The following ZNF568 variants were observed in gnomAD, a reference collection of about 807,000 sequenced individuals.
ZNF568 encodes the protein zinc finger protein 568.
Under a neutral mutation model 18.1 loss-of-function variants are expected in ZNF568, and 11 were observed. The observed-to-expected ratio is 0.61, with a 90% CI of 0.38 to 1.00. The LOEUF (loss-of-function observed/expected upper bound fraction) is 1.00, where lower values mean the gene tolerates loss of function less well. Ranked by LOEUF, ZNF568 falls within the 50% of genes least tolerant of loss-of-function variation. ZNF568 has a pLI of 0.01. For synonymous variants in ZNF568, 213 were observed against 246.6 expected (o/e 0.86, Z 1.28); for missense variants, 639 against 768.2 (o/e 0.83, Z 1.99).
At chr19:36,966,791 C>G (rs2074198135) in intron 6 of ZNF568, among the ~76,000 whole-genome samples, 1 of 152,214 alleles carries the variant, frequency 6.6e-6, no homozygotes, top group South Asian at 2.1e-4. Context: ...CAGCGATGCT[C>G]TGCGCCAGCT....
intron 4 of ZNF568, among the ~76,000 whole-genome samples, chr19:36,932,080 T>C (rs767549185): frequency 2.6e-5 from 4 of 152,240 alleles, no homozygotes; most frequent in Non-Finnish European, 4.4e-5. Context: ...TATTTCTGAA[T>C]AATATTCTCT....
intron 4 of ZNF568, among the ~76,000 whole-genome samples, chr19:36,925,626 T>C (rs1184842680): frequency 6.6e-6 from 1 of 152,144 alleles, no homozygotes; most frequent in Non-Finnish European, 1.5e-5. Flanking sequence ...GTTGGACTTC[T>C]GTATCTGTAG....
chr19:36,976,493 T>C (rs2074286172), intron 7 of ZNF568: 1 of 152,174 alleles, frequency 6.6e-6, no homozygotes, highest in South Asian at 2.1e-4. Flanking sequence ...TTTTTTTCTT[T>C]CCTAGTATAT....
chr19:36,945,894 C>A (rs1437982583), intron 6 of ZNF568, among the ~76,000 whole-genome samples: 5 of 151,606 alleles, frequency 3.3e-5, no homozygotes, highest in Non-Finnish European at 7.4e-5. Flanking sequence ...AAGATAAAGA[C>A]CATCCTGGCC....
At chr19:36,981,253 A>G (rs563367195), downstream of ZNF568, among the ~76,000 whole-genome samples, 1 of 152,346 alleles carries the variant, frequency 6.6e-6, no homozygotes, top group South Asian at 2.1e-4. Context: ...ATATTTGGTA[A>G]GTCACATGCC....
chr19:36,934,304 CTTT>C (rs201377492), intron 4 of ZNF568, among the ~76,000 whole-genome samples: 17 of 128,880 alleles, frequency 1.3e-4, no homozygotes, highest in Admixed American at 2.4e-4. Context: ...CTTCTAGTAT[CTTT>C]TTTTTTTTTT....
At chr19:36,970,046 G>A (rs1257891799) in intron 6 of ZNF568, among the ~76,000 whole-genome samples, 3 of 123,502 alleles carry the variant, frequency 2.4e-5, no homozygotes, top group African/African-American at 9.6e-5. Context: ...ACAAGCATGA[G>A]CCACGATGCC....
chr19:36,930,130 C>A (rs558131281), intron 4 of ZNF568, among the ~76,000 whole-genome samples: 1 of 151,866 alleles, frequency 6.6e-6, no homozygotes, highest in African/African-American at 2.4e-5. Flanking sequence ...AAGACTGACT[C>A]ATCATTTTAT....
At chr19:36,926,846 T>TAAG (rs58672910) in intron 4 of ZNF568, among the ~76,000 whole-genome samples, 87,246 of 151,594 alleles carry the variant, frequency 0.58, 25,844 homozygotes, top group African/African-American at 0.7. Context: ...GCACAGAGGT[T>TAAG]AAGCTTACAT....
Position 36,936,743 on chromosome 19 carries a change from C to T in ZNF568, c.136-3C>T, listed in dbSNP as rs1316577878. 3 of 1,610,158 alleles carry T rather than the reference C, an allele frequency of 1.9e-6. No individual in the cohort carries two copies. The highest frequency in any genetic ancestry group is 2.5e-6 in the Non-Finnish European group (3 of 1,177,556). ...CAAATTAATTAGCATTATGTTTTTA[C>T]AGGAAACAGTGACATTTAAGGATGT... On this transcript the variant is annotated splice_polypyrimidine_tract_variant and splice_region_variant and intron_variant, in intron 4 of 6. Coordinates refer to ENST00000333987, the MANE Select transcript of ZNF568 (RefSeq NM_198539.4).
At chr19:36,997,775 G>GA (rs3833257), downstream of ZNF568, 272,284 of 563,294 alleles carry the variant, frequency 0.48, 61,083 homozygotes, top group African/African-American at 0.72. Flanking sequence ...TACTGATTTG[G>GA]AAAAAAAAAC....
chr19:36,995,627 TACC>T (rs1438524613), intron 4 of ZNF568, among the ~76,000 whole-genome samples: 2 of 152,220 alleles, frequency 1.3e-5, no homozygotes, highest in African/African-American at 4.8e-5. Context: ...CTTCCATTAC[TACC>T]TTCTGTTATA....
downstream of ZNF568, among the ~76,000 whole-genome samples, chr19:36,982,902 G>C (rs1040461630): frequency 6.6e-6 from 1 of 152,124 alleles, no homozygotes. Context: ...TTTTAAATCT[G>C]TGGCATGTGT....
chr19:36,927,168 T>G (rs114935188), intron 4 of ZNF568, among the ~76,000 whole-genome samples: 2,634 of 152,338 alleles, frequency 0.017, 40 homozygotes, highest in Middle Eastern at 0.055. Context: ...TTACATTTAG[T>G]GTATGATAAA....
At chr19:36,918,103 C>A (rs756277820) in intron 2 of ZNF568, among the ~76,000 whole-genome samples, 1 of 152,138 alleles carries the variant, frequency 6.6e-6, no homozygotes, top group Non-Finnish European at 1.5e-5. Flanking sequence ...CGCGCCACCA[C>A]GCCCGGCTGA....
intron 2 of ZNF568, among the ~76,000 whole-genome samples, chr19:36,984,996 G>A (rs372952892): frequency 6.6e-6 from 1 of 151,990 alleles, no homozygotes. Context: ...TAGCTGTCCT[G>A]TCTTCCAATA....
intron 4 of ZNF568, among the ~76,000 whole-genome samples, chr19:36,994,945 C>T (rs767418353): frequency 2.9e-4 from 44 of 152,290 alleles, no homozygotes; most frequent in Middle Eastern, 3.4e-3. Context: ...CCACCGCGCC[C>T]GGCCAAAATA....
downstream of ZNF568, among the ~76,000 whole-genome samples, chr19:36,955,029 G>A (rs1329110327): frequency 1.3e-5 from 2 of 151,942 alleles, no homozygotes; most frequent in African/African-American, 2.4e-5. Context: ...ACAAGCTCCC[G>A]CCACCATGCC....
chr19:36,997,714 G>A (rs762477998), downstream of ZNF568: 15 of 814,570 alleles, frequency 1.8e-5, no homozygotes, highest in Non-Finnish European at 2.5e-5. Context: ...ACAGAGGAGT[G>A]AATGAAGAAA....
Sources: gnomAD v4.1 joint callset for allele counts (sites outside exome capture counted in the v4.1 genomes callset) on GRCh38, gnomAD v4.1.1 for gene constraint, MANE v1.5 for transcripts, NCBI Gene and HGNC (gene_info 2026-07-23, HGNC 2026-07-21) for gene names.